ABCA7: variants seen among roughly 807,000 people sequenced by gnomAD.
The protein encoded by ABCA7 is phospholipid-transporting ATPase ABCA7.
ABCA7 carries 261 observed loss-of-function variants against 227.6 expected under a neutral mutation model. The observed-to-expected ratio is 1.15, with a 90% CI of 1.04 to 1.27. ABCA7 has a LOEUF of 1.27. Ranked by LOEUF, ABCA7 falls within the 50% of genes most tolerant of loss-of-function variation. ABCA7 has a pLI of 0.00. For missense variants in ABCA7, 3,331 were observed against 2,924.5 expected, an observed-to-expected ratio of 1.14 and a Z score of -3.21; for synonymous variants, 1,488 against 1,279.7, an observed-to-expected ratio of 1.16 and a Z score of -3.47.
intron 23 of ABCA7, 25 bp from the exon 24 acceptor site, chr19:1,053,304 C>T (rs768313470): frequency 1.9e-6 from 3 of 1,599,184 alleles, no homozygotes; most frequent in South Asian, 2.2e-5. Flanking sequence ...CCGGGGCTCC[C>T]TGAAGCACCC....
intron 10 of ABCA7, among the ~76,000 whole-genome samples, chr19:1,044,155 T>C (rs1308268992): frequency 6.6e-6 from 1 of 150,792 alleles, no homozygotes; most frequent in Non-Finnish European, 1.5e-5. Context: ...TTAGCCAGGA[T>C]GGTCTCGATC....
At chr19:1,057,831 G>A (rs2042387818) in intron 35 of ABCA7, 84 bp from the exon 36 acceptor site, 3 of 1,515,312 alleles carry the variant, frequency 2.0e-6, no homozygotes, top group East Asian at 4.5e-5. Context: ...GTCTAAGGCA[G>A]AGAAGATGGG....
At chr19:1,061,120 G>C (rs2042623308) in intron 40 of ABCA7, among the ~76,000 whole-genome samples, 3 of 152,246 alleles carry the variant, frequency 2.0e-5, no homozygotes, top group African/African-American at 7.2e-5. Flanking sequence ...GCTGAGGCCA[G>C]GCGTGGTGGC....
At chr19:1,053,025 C>G (rs1046140785) in intron 23 of ABCA7, among the ~76,000 whole-genome samples, 1 of 152,156 alleles carries the variant, frequency 6.6e-6, no homozygotes, top group African/African-American at 2.4e-5. Context: ...TCTCGAGTAA[C>G]TGGGATTACA....
At chr19:1,060,470 G>A (rs969014670) in intron 40 of ABCA7, among the ~76,000 whole-genome samples, 16 of 151,084 alleles carry the variant, frequency 1.1e-4, no homozygotes, top group Admixed American at 7.3e-4. Context: ...CTTGGCCTCC[G>A]AAAGTTCTGG....
intron 6 of ABCA7, 37 bp downstream of exon 6, chr19:1,042,434 G>A (rs747299748): frequency 2.5e-6 from 4 of 1,608,268 alleles, no homozygotes; most frequent in South Asian, 1.1e-5. Flanking sequence ...GACTTCCTGG[G>A]ACACTGCACT....
Position 1,054,399 on chromosome 19 carries a change from C to G in ABCA7, c.3726+58C>G. 1 of 1,557,204 alleles carries G rather than the reference C, an allele frequency of 6.4e-7. No homozygotes were observed. Among genetic ancestry groups the G allele is most frequent in the Non-Finnish European group, 8.7e-7 (1 of 1,154,652 alleles). The stretch of plus-strand genomic sequence containing the variant: ...GAGTCCCTGAGTTCCCTACCCTGGC[C>G]GTCCACTCAGTGGCCTAATCCAAAC... On this transcript the variant is annotated intron_variant, in intron 27 of 46. Coordinates refer to ENST00000263094, the MANE Select transcript of ABCA7 (RefSeq NM_019112.4). This position sits in a 1 kb window ranked among gnomAD's most constrained non-coding sequence, Gnocchi z 4.8.
In ABCA7 at chr19:1,045,243, G is replaced by GA; in HGVS notation, c.1445+13dup. On this transcript the variant is annotated intron_variant, in intron 12 of 46. Coordinates refer to ENST00000263094, the MANE Select transcript of ABCA7 (RefSeq NM_019112.4). ...AAGATCAGGGACAGGTCAGGCGAGG[G>GA]AGGGGGCGGGGGGATGAGGGACTGG... 6.3e-7 allele frequency: 1 copy of GA among 1,590,932 alleles called. No homozygotes were observed. Among genetic ancestry groups the GA allele is most frequent in the Middle Eastern group, 1.7e-4 (1 of 6,000 alleles).
Position 1,061,816 on chromosome 19 carries a change from A to G in ABCA7, c.5498A>G (p.Lys1833Arg). 1 of 1,611,768 alleles carries G rather than the reference A, an allele frequency of 6.2e-7. No individual in the cohort carries two copies. The highest frequency in any genetic ancestry group is 1.7e-5 in the Admixed American group (1 of 59,604). ...CTGCTGGGTGTGAATGGAGCAGGGA[A>G]GACGTCCACGTTTCGCATGGTGACG... ...FGLLGVNGAG[K>R]TSTFRMVTGD... Residue 1833 changes from lysine (K) to arginine (R), a missense_variant, in exon 41 of 47, where the codon AAG (lysine) becomes AGG (arginine). Coordinates refer to ENST00000263094, the MANE Select transcript of ABCA7 (RefSeq NM_019112.4).
rs2042080430 is a variant in ABCA7, at chr19:1,054,619, T to G, written c.3776T>G (p.Ile1259Ser). 6.8e-6 allele frequency: 11 copies of G among 1,613,346 alleles called. No homozygotes were observed. Among genetic ancestry groups the G allele is most frequent in the Non-Finnish European group, 9.3e-6 (11 of 1,179,946 alleles). ...GGCCTGGCCCTCGTGTTCAGCCTCA[T>G]CGTGCCTCCTTTCGGGCACTACCCG... ...FVGLALVFSL[I>S]VPPFGHYPAL... The change falls in exon 28 of 47, where the codon ATC becomes AGC. Residue 1259 changes from isoleucine to serine, a missense_variant. Transcript: ENST00000263094. This position sits in a 1 kb window ranked among gnomAD's most constrained non-coding sequence, Gnocchi z 4.8.
At position 1,065,106 on chromosome 19, in the gene ABCA7, C is replaced by T; in HGVS notation, c.6220C>T (p.Leu2074=). Residue 2074 remains leucine, a synonymous_variant, in exon 46 of 47, where the codon CTG becomes TTG. Coordinates refer to ENST00000263094, the MANE Select transcript of ABCA7 (RefSeq NM_019112.4). ...RCALARVFGE[L]AVHGAEHGVE... is the part of the protein sequence containing the mutation. ...CGCCCTGGCGCGCGTCTTTGGAGAGCTGGCGGTGCACGGCGCAGAGCACGG... is the reference window on the plus strand; with the variant it reads ...CGCCCTGGCGCGCGTCTTTGGAGAGTTGGCGGTGCACGGCGCAGAGCACGG... 1.9e-6 allele frequency: 3 copies of T among 1,585,740 alleles called. No homozygotes were observed. Among genetic ancestry groups the T allele is most frequent in the Non-Finnish European group, 2.6e-6 (3 of 1,166,492 alleles).
chr19:1,055,798 G>A (rs1015533125), intron 30 of ABCA7, 109 bp from the exon 31 acceptor site: 29 of 1,211,992 alleles, frequency 2.4e-5, no homozygotes, highest in South Asian at 1.7e-4. Flanking sequence ...CACCGCGCCC[G>A]GCTTTCTTTC....
Position 1,056,798 on chromosome 19 carries a change from C to A in ABCA7, c.4587-109C>A. 7.9e-7 allele frequency: 1 copy of A among 1,268,646 alleles called. No individual in the cohort carries two copies. Among genetic ancestry groups the A allele is most frequent in the Non-Finnish European group, 1.1e-6 (1 of 900,616 alleles). The allele number at this position is 1,268,646 out of a possible 1,614,324, so 78.6% of individuals were successfully genotyped here. On this transcript the variant is annotated intron_variant, in intron 33 of 46. Transcript: ENST00000263094. The surrounding 1 kb of genome is among the most constrained non-coding windows in gnomAD (Gnocchi z 4.3). ...CCTAAATTGCCCCTGCCATCTCTGC[C>A]ACTGCTGACTGCCCCATAGACCTTT...
chr19:1,050,429 CAAAT>C (rs1289334460), intron 18 of ABCA7, among the ~76,000 whole-genome samples: 1 of 135,206 alleles, frequency 7.4e-6, no homozygotes, highest in Non-Finnish European at 1.6e-5. Context: ...TAAAAATAAA[CAAAT>C]AAATAAAAAT....
chr19:1,055,993 C>G (rs992498849), intron 31 of ABCA7, 54 bp downstream of exon 31: 119 of 1,559,764 alleles, frequency 7.6e-5, no homozygotes, highest in Non-Finnish European at 7.9e-5. Context: ...CCCATGCCCT[C>G]TGCCTGCCCC....
chr19:1,047,437 GC>G lies in ABCA7; in HGVS notation c.2068-13del. The G allele has an allele frequency of 6.5e-7, 1 of 1,538,002 alleles. No individual in the cohort carries two copies. Among genetic ancestry groups the G allele is most frequent in the Non-Finnish European group, 8.7e-7 (1 of 1,144,670 alleles). ...CCCCCGCTTCGGCCGCTCACTGACC[GC>G]CCGCTTTTCCGCAGAGCCTGCTGTC... On this transcript the variant is annotated splice_polypyrimidine_tract_variant and intron_variant, in intron 15 of 46. Transcript: ENST00000263094.
In ABCA7 at chr19:1,061,062, C is replaced by T. The variant is rs138760085; in HGVS notation, c.5464-720C>T. 2.3e-4 allele frequency among the ~76,000 whole-genome samples: 35 copies of T among 152,228 alleles called. No individual in the cohort carries two copies. In the East Asian group the frequency reaches 5.0e-3, roughly 22 times the overall value. ...TACCCCAATATCTGCCTAGCTCCCC[C>T]GGGGCCCCACCCACGGCCTTCCATG... is the stretch of plus-strand genomic sequence containing the variant. On this transcript the variant is annotated intron_variant, in intron 40 of 46. Transcript: ENST00000263094.
In ABCA7 at chr19:1,045,180, A is replaced by G. The variant is rs1305170234; in HGVS notation, c.1394A>G (p.Lys465Arg). 6 of 1,612,794 alleles carry G rather than the reference A, an allele frequency of 3.7e-6. No homozygotes were observed. The highest frequency in any genetic ancestry group is 1.3e-5 in the African/African-American group (1 of 74,906). Residue 465 changes from lysine (K) to arginine (R), a missense_variant, in exon 12 of 47, where the codon AAA becomes AGA. Transcript: ENST00000263094. ...CTGGGCCCCGGCCACGTGCGCATCA[A>G]AATCCGCATGGACATTGACGTGGTC... ...PDLGPGHVRI[K>R]IRMDIDVVTR...
chr19:1,062,350 G>C, intron 42 of ABCA7, 37 bp downstream of exon 42: 2 of 1,591,516 alleles, frequency 1.3e-6, no homozygotes, highest in African/African-American at 1.3e-5. Context: ...TCACCTCCCA[G>C]GGCCCACCCG....
Sources: allele counts gnomAD v4.1 joint callset (sites outside exome capture counted in the v4.1 genomes callset), GRCh38; gene constraint gnomAD v4.1.1; non-coding constraint Gnocchi (gnomAD v3.1); transcripts MANE v1.5; gene names NCBI Gene and HGNC (gene_info 2026-07-23, HGNC 2026-07-21).